Variants in PRKCA observed in about 807,000 individuals in gnomAD.
PRKCA encodes protein kinase C alpha.
A neutral mutation model predicts 87.0 loss-of-function variants in PRKCA; 27 were observed. That is an observed-to-expected ratio of 0.31 (90% CI 0.23 to 0.43). The LOEUF (loss-of-function observed/expected upper bound fraction) is 0.43, where lower values mean the gene tolerates loss of function less well. Ranked by LOEUF, PRKCA falls within the 20% of genes least tolerant of loss-of-function variation. PRKCA has a pLI of 1.00. For synonymous variants in PRKCA, 329 were observed against 311.1 expected (o/e 1.06, Z -0.61); for missense variants, 518 against 852.3 (o/e 0.61, Z 4.88).
rs1414132443 is a variant in PRKCA, at chr17:66,803,745, G to A, written c.1855-128G>A. ...AATCCAATAGGCCTGCAAGTCCTCC[G>A]AGATTCCTCCTCCTAACCAGCCCGG... On this transcript the variant is annotated intron_variant, in intron 16 of 16. Transcript: ENST00000413366. This position sits in a 1 kb window ranked among gnomAD's most constrained non-coding sequence, Gnocchi z 4.4. The A allele has an allele frequency of 2.2e-5, 29 of 1,311,892 alleles. No homozygotes were observed. The highest frequency in any genetic ancestry group is 2.8e-5 in the Non-Finnish European group (27 of 970,406). 81.3% of individuals were successfully genotyped at this position (1,311,892 alleles called of 1,614,324 possible).
intron 2 of PRKCA, among the ~76,000 whole-genome samples, chr17:66,351,903 A>G (rs1166531583): frequency 2.0e-5 from 3 of 151,812 alleles, no homozygotes; most frequent in Non-Finnish European, 4.4e-5. Flanking sequence ...CTTCTCTCCC[A>G]GTATCAGATT....
intron 3 of PRKCA, among the ~76,000 whole-genome samples, chr17:66,587,650 T>C (rs1969638964): frequency 6.6e-6 from 1 of 150,388 alleles, no homozygotes; most frequent in Non-Finnish European, 1.5e-5. Flanking sequence ...ATATAACATA[T>C]ATGTGTGTGT....
intron 2 of PRKCA, chr17:66,404,051 G>A (rs2143701080): frequency 6.6e-6 from 1 of 152,286 alleles, no homozygotes; most frequent in South Asian, 2.1e-4. Flanking sequence ...CATGTTGGAG[G>A]AATCAACTTC....
intron 14 of PRKCA, among the ~76,000 whole-genome samples, chr17:66,784,515 G>A (rs538051395): frequency 6.6e-6 from 1 of 152,144 alleles, no homozygotes; most frequent in East Asian, 1.9e-4. Flanking sequence ...CCAAAGTGCT[G>A]GGATTACAGG....
intron 2 of PRKCA, among the ~76,000 whole-genome samples, chr17:66,354,893 CAG>C (rs1245035576): frequency 4.6e-5 from 7 of 152,082 alleles, no homozygotes; most frequent in African/African-American, 1.7e-4. Flanking sequence ...CTAGTACAAT[CAG>C]GGGAGAACAT....
At chr17:66,464,762 T>C (rs1413757556) in intron 2 of PRKCA, among the ~76,000 whole-genome samples, 3 of 152,004 alleles carry the variant, frequency 2.0e-5, no homozygotes, top group African/African-American at 7.3e-5. Context: ...TTTTGTATAA[T>C]ACTTCTTTAT....
At chr17:66,394,774 G>T (rs1305682280) in intron 2 of PRKCA, among the ~76,000 whole-genome samples, 2 of 152,130 alleles carry the variant, frequency 1.3e-5, no homozygotes, top group Non-Finnish European at 2.9e-5. Flanking sequence ...GTTCTCACGA[G>T]ATCTGATGGT....
At chr17:66,387,893 G>T (rs1230796306) in intron 2 of PRKCA, among the ~76,000 whole-genome samples, 3 of 152,192 alleles carry the variant, frequency 2.0e-5, no homozygotes, top group Non-Finnish European at 4.4e-5. Context: ...CTTGGAGTGG[G>T]ACATTTCTTT....
At chr17:66,550,170 A>G (rs185652422) in intron 3 of PRKCA, among the ~76,000 whole-genome samples, 271 of 152,298 alleles carry the variant, frequency 1.8e-3, no homozygotes, top group African/African-American at 5.9e-3. Flanking sequence ...AGACGTAACC[A>G]TGATGGAAAA....
At chr17:66,765,496 T>TTA (rs57374804) in intron 13 of PRKCA, among the ~76,000 whole-genome samples, 8,431 of 135,964 alleles carry the variant, frequency 0.062, 416 homozygotes, top group African/African-American at 0.12. Context: ...ATATTTGTCT[T>TTA]TATATATATA....
At chr17:66,334,072 G>A (rs530830718) in intron 2 of PRKCA, among the ~76,000 whole-genome samples, 2 of 152,232 alleles carry the variant, frequency 1.3e-5, no homozygotes, top group African/African-American at 2.4e-5. Flanking sequence ...CCAGCATGGT[G>A]AAACCCCATC....
At chr17:66,449,444 A>G (rs1433477650) in intron 2 of PRKCA, among the ~76,000 whole-genome samples, 1 of 152,178 alleles carries the variant, frequency 6.6e-6, no homozygotes, top group Non-Finnish European at 1.5e-5. Flanking sequence ...ATTTCAGCAA[A>G]TAAGTATAAC....
rs1478328944 is a variant in PRKCA, at chr17:66,635,612, T to C, written c.289-5743T>C. 6.6e-5 allele frequency among the ~76,000 whole-genome samples: 10 copies of C among 152,170 alleles called. No individual in the cohort carries two copies. The East Asian group carries it at 1.9e-3, about 29-fold the overall frequency. The stretch of plus-strand genomic sequence containing the variant: ...GACTCCTTAACATGAGATCAGCGGG[T>C]TATATATTTAATGAAGAAGTAAAAG... On this transcript the variant is annotated intron_variant, in intron 3 of 16. Transcript: ENST00000413366.
At chr17:66,581,837 GTAAA>G (rs1969446387) in intron 3 of PRKCA, among the ~76,000 whole-genome samples, 1 of 152,118 alleles carries the variant, frequency 6.6e-6, no homozygotes, top group Middle Eastern at 3.2e-3. Flanking sequence ...CATTTTCTTA[GTAAA>G]TATGGGCAAC....
At chr17:66,378,139 A>G (rs748730244) in intron 2 of PRKCA, among the ~76,000 whole-genome samples, 6 of 152,022 alleles carry the variant, frequency 3.9e-5, no homozygotes, top group Admixed American at 1.3e-4. Context: ...CCTGGGCAAC[A>G]TGGCAAAACC....
At chr17:66,575,919 G>T (rs1390440680) in intron 3 of PRKCA, among the ~76,000 whole-genome samples, 1 of 152,036 alleles carries the variant, frequency 6.6e-6, no homozygotes, top group Non-Finnish European at 1.5e-5. Context: ...TTTGAGACCA[G>T]CCTAACCAAC....
intron 5 of PRKCA, among the ~76,000 whole-genome samples, chr17:66,660,581 G>C (rs1000754145): frequency 1.9e-4 from 29 of 152,022 alleles, no homozygotes; most frequent in African/African-American, 7.0e-4. Flanking sequence ...ACTATGTAGG[G>C]TCTTTGGGGT....
intron 13 of PRKCA, among the ~76,000 whole-genome samples, chr17:66,743,750 A>C (rs566222993): frequency 5.9e-5 from 9 of 152,286 alleles, no homozygotes; most frequent in African/African-American, 1.2e-4. Context: ...TCAGCTCTTC[A>C]CAGAGCCCTC....
At chr17:66,362,413 C>G (rs2048946491) in intron 2 of PRKCA, among the ~76,000 whole-genome samples, 2 of 152,204 alleles carry the variant, frequency 1.3e-5, no homozygotes, top group South Asian at 4.1e-4. Flanking sequence ...CTTTAGCCTT[C>G]CTGATGCCTC....
Sources: allele counts gnomAD v4.1 joint callset (sites outside exome capture counted in the v4.1 genomes callset), GRCh38; gene constraint gnomAD v4.1.1; non-coding constraint Gnocchi (gnomAD v3.1); transcripts MANE v1.5; gene names NCBI Gene and HGNC (gene_info 2026-07-23, HGNC 2026-07-21).